NRXN3: variants seen among roughly 807,000 people sequenced by gnomAD.
NRXN3 encodes neurexin 3.
A neutral mutation model predicts 137.6 loss-of-function variants in NRXN3; 32 were observed. That is an observed-to-expected ratio of 0.23 (90% CI 0.18 to 0.31). The LOEUF is 0.31. NRXN3 is among the 10% of genes least tolerant of loss of function. The pLI is 1.00. For synonymous variants in NRXN3, 798 were observed against 784.5 expected (o/e 1.02, Z -0.29); for missense variants, 1,574 against 2,062.5 (o/e 0.76, Z 4.59).
chr14:78,995,628 C>T (rs185075688), intron 15 of NRXN3, among the ~76,000 whole-genome samples: 56 of 152,162 alleles, frequency 3.7e-4, no homozygotes, highest in African/African-American at 1.2e-3. Flanking sequence ...ATGGCCCTGC[C>T]GGCTACTCTT....
chr14:78,236,518 A>G (rs2066322784), intron 1 of NRXN3, among the ~76,000 whole-genome samples: 1 of 152,206 alleles, frequency 6.6e-6, no homozygotes, highest in South Asian at 2.1e-4. Flanking sequence ...TATTATGAAT[A>G]GTGTTGCCAT....
intron 4 of NRXN3, among the ~76,000 whole-genome samples, chr14:78,581,713 C>CT (rs2096999400): frequency 6.6e-6 from 1 of 152,192 alleles, no homozygotes; most frequent in Non-Finnish European, 1.5e-5. Flanking sequence ...CCTCTGCTCT[C>CT]TAAGACTGCA....
At chr14:79,598,417 G>C (rs2097884884) in intron 16 of NRXN3, among the ~76,000 whole-genome samples, 1 of 152,094 alleles carries the variant, frequency 6.6e-6, no homozygotes, top group Non-Finnish European at 1.5e-5. Flanking sequence ...TAATCACCCA[G>C]TCTTCTACCA....
chr14:79,674,946 T>A (rs1171999731), intron 17 of NRXN3, among the ~76,000 whole-genome samples: 1 of 152,096 alleles, frequency 6.6e-6, no homozygotes, highest in Non-Finnish European at 1.5e-5. Context: ...TATCCTTGCA[T>A]AAAATATTTT....
At chr14:79,698,703 A>G (rs151001486) in intron 19 of NRXN3, among the ~76,000 whole-genome samples, 1,585 of 152,122 alleles carry the variant, frequency 0.01, 24 homozygotes, top group African/African-American at 0.035. Flanking sequence ...TATTAGCCTT[A>G]AATGCTCTGG....
intron 19 of NRXN3, among the ~76,000 whole-genome samples, chr14:79,791,675 T>G (rs564066867): frequency 6.6e-6 from 1 of 152,092 alleles, no homozygotes; most frequent in African/African-American, 2.4e-5. Context: ...GGGCACAAGC[T>G]GATTGCTGCA....
intron 4 of NRXN3, among the ~76,000 whole-genome samples, chr14:78,605,083 C>T (rs1034578842): frequency 4.6e-5 from 7 of 152,132 alleles, no homozygotes; most frequent in Non-Finnish European, 8.8e-5. Context: ...TAGTACAAGG[C>T]AAAGGATTTC....
chr14:79,382,550 C>T (rs908850284), intron 15 of NRXN3, among the ~76,000 whole-genome samples: 1 of 152,268 alleles, frequency 6.6e-6, no homozygotes, highest in East Asian at 1.9e-4. Flanking sequence ...TCTGGGGCCC[C>T]TTCTTCATTC....
chr14:78,192,471 A>G (rs1465164969), intron 1 of NRXN3, among the ~76,000 whole-genome samples: 1 of 152,136 alleles, frequency 6.6e-6, no homozygotes, highest in Non-Finnish European at 1.5e-5. Context: ...GACTTCTTGG[A>G]TTTCATTCAA....
At position 78,614,048 on chromosome 14, in the gene NRXN3, C is replaced by T. The variant is rs559961015; in HGVS notation, c.758-31072C>T. On this transcript the variant is annotated intron_variant, in intron 4 of 20. Transcript: ENST00000335750. ...AGAGATTATCTAGTTCAGGGCTGCT[C>T]AAGGTGTTTCCTGCACATCAGTGCC... is the stretch of plus-strand genomic sequence containing the variant. 1.3e-3 allele frequency among the ~76,000 whole-genome samples: 192 copies of T among 152,256 alleles called. 2 individuals carry two copies. The highest frequency in any genetic ancestry group is 4.3e-3 in the African/African-American group (179 of 41,542).
intron 15 of NRXN3, among the ~76,000 whole-genome samples, chr14:79,027,664 A>G (rs2099600853): frequency 6.6e-6 from 1 of 152,158 alleles, no homozygotes; most frequent in Non-Finnish European, 1.5e-5. Context: ...CCACCAGATT[A>G]ACTACATAGA....
At chr14:78,421,429 T>C (rs2093440677) in intron 4 of NRXN3, among the ~76,000 whole-genome samples, 1 of 152,166 alleles carries the variant, frequency 6.6e-6, no homozygotes, top group Non-Finnish European at 1.5e-5. Flanking sequence ...TGATGCCTTA[T>C]AGATATAATA....
intron 10 of NRXN3, among the ~76,000 whole-genome samples, chr14:78,950,260 T>C (rs951713518): frequency 1.3e-5 from 2 of 152,174 alleles, no homozygotes; most frequent in Non-Finnish European, 2.9e-5. Flanking sequence ...CAAGAAAGCT[T>C]GAGCCTGTCC....
At chr14:79,656,418 G>A (rs2098505825) in intron 16 of NRXN3, among the ~76,000 whole-genome samples, 1 of 152,180 alleles carries the variant, frequency 6.6e-6, no homozygotes, top group Non-Finnish European at 1.5e-5. Flanking sequence ...TGGGGTCTGT[G>A]AATGAGAAGT....
At chr14:78,712,842 C>T (rs992018841) in intron 7 of NRXN3, among the ~76,000 whole-genome samples, 2 of 152,190 alleles carry the variant, frequency 1.3e-5, no homozygotes, top group Non-Finnish European at 2.9e-5. Context: ...GGATTACAGG[C>T]GTGAGCCACC....
chr14:78,436,891 G>A (rs1042109725), intron 4 of NRXN3, among the ~76,000 whole-genome samples: 2 of 152,142 alleles, frequency 1.3e-5, no homozygotes. Context: ...CTTCCTGTGG[G>A]TTATTTCATG....
intron 4 of NRXN3, among the ~76,000 whole-genome samples, chr14:78,519,636 C>T (rs990686605): frequency 1.3e-5 from 2 of 152,110 alleles, no homozygotes; most frequent in African/African-American, 2.4e-5. Context: ...GACTGTAATA[C>T]ATGGTGAGGA....
chr14:79,089,854 C>T lies in NRXN3; in HGVS notation c.3262+101713C>T, dbSNP rs74066643. ...GAGAAATATCTTAAACTCCAGCTCA[C>T]CTCTTGGCTTCTTTCAGGAATGCTT... is the stretch of plus-strand genomic sequence containing the variant. On this transcript the variant is annotated intron_variant, in intron 15 of 20. Transcript: ENST00000335750. 7.9e-3 allele frequency among the ~76,000 whole-genome samples: 1,204 copies of T among 152,174 alleles called. 18 individuals are homozygous for T. Among genetic ancestry groups the T allele is most frequent in the African/African-American group, 0.028 (1,142 of 41,524 alleles).
intron 16 of NRXN3, among the ~76,000 whole-genome samples, chr14:79,485,245 A>G (rs1339230988): frequency 6.6e-6 from 1 of 152,088 alleles, no homozygotes; most frequent in Non-Finnish European, 1.5e-5. Context: ...TTTTTACTCC[A>G]GGGCTTTGGG....
Sources: allele counts gnomAD v4.1 joint callset (sites outside exome capture counted in the v4.1 genomes callset), GRCh38; gene constraint gnomAD v4.1.1; transcripts MANE v1.5; gene names NCBI Gene and HGNC (gene_info 2026-07-23, HGNC 2026-07-21).